Variants in LARGE1 observed in about 807,000 individuals in gnomAD.
LARGE1 encodes LARGE xylosyl- and glucuronyltransferase 1, also known as xylosyl- and glucuronyltransferase LARGE1.
A neutral mutation model predicts 87.6 loss-of-function variants in LARGE1; 43 were observed. The observed-to-expected ratio is 0.49, with a 90% CI of 0.38 to 0.63. The LOEUF (loss-of-function observed/expected upper bound fraction) is 0.63, where lower values mean the gene tolerates loss of function less well. Among genes scored for constraint, LARGE1 ranks in the 30% least tolerant of loss-of-function variants. The probability of loss-of-function intolerance (pLI) is 0.00; values close to 1 mark genes in which losing one functional copy is unlikely to be tolerated. For missense variants in LARGE1, 802 were observed against 1,000.2 expected (o/e 0.80, Z 2.67); for synonymous variants, 434 against 394.6 (o/e 1.10, Z -1.18).
chr22:33,478,852 A>C (rs777234094), intron 6 of LARGE1, among the ~76,000 whole-genome samples: 1 of 152,200 alleles, frequency 6.6e-6, no homozygotes, highest in Non-Finnish European at 1.5e-5. Flanking sequence ...GTGAGAGGGC[A>C]TCGCTAACTA....
chr22:33,171,678 G>A (rs752477856), intron 11 of LARGE1, among the ~76,000 whole-genome samples: 6 of 152,210 alleles, frequency 3.9e-5, no homozygotes, highest in Admixed American at 1.3e-4. Context: ...CTGAGAGTGC[G>A]CAGAAGATAA....
chr22:33,784,582 C>T (rs2085536171), intron 1 of LARGE1, among the ~76,000 whole-genome samples: 1 of 152,070 alleles, frequency 6.6e-6, no homozygotes, highest in Non-Finnish European at 1.5e-5. Flanking sequence ...AGTTTAGGTG[C>T]TCCGGTGCAA....
intron 2 of LARGE1, chr22:33,733,750 T>C (rs141245661): frequency 5.3e-5 from 8 of 152,306 alleles, no homozygotes; most frequent in East Asian, 1.9e-4. Context: ...TTTAGGGAGA[T>C]AGACAAACAG....
intron 1 of LARGE1, among the ~76,000 whole-genome samples, chr22:33,811,572 G>A (rs771691065): frequency 6.6e-6 from 1 of 152,168 alleles, no homozygotes. Context: ...CCAAATATTC[G>A]CAACGTGGAA....
chr22:33,824,192 T>C (rs541196173), intron 1 of LARGE1, among the ~76,000 whole-genome samples: 4 of 152,316 alleles, frequency 2.6e-5, no homozygotes, highest in African/African-American at 7.2e-5. Context: ...TGATTTACTA[T>C]ATTAGTCCAG....
chr22:33,277,268 G>A lies in LARGE1; in HGVS notation c.1878-13C>T, dbSNP rs549212468. On this transcript the variant is annotated splice_polypyrimidine_tract_variant and intron_variant, in intron 13 of 14. Transcript: ENST00000397394. ...CCAGACGTGGTACCTGAGACACACG[G>A]AGAAAAGCCATTGGGTGTAGGGAAG... The A allele has an allele frequency of 1.9e-6, 3 of 1,613,636 alleles. No homozygotes were observed. In the African/African-American group the frequency reaches 4.0e-5, roughly 22 times the overall value.
intron 9 of LARGE1, among the ~76,000 whole-genome samples, chr22:33,370,503 A>G (rs575476387): frequency 1.4e-4 from 22 of 152,342 alleles, no homozygotes; most frequent in Non-Finnish European, 2.6e-4. Context: ...TTAGCATTTA[A>G]GTTTAGCTAT....
At chr22:33,415,178 A>C (rs983784612) in intron 7 of LARGE1, among the ~76,000 whole-genome samples, 2 of 152,212 alleles carry the variant, frequency 1.3e-5, no homozygotes, top group African/African-American at 4.8e-5. Context: ...TCCAGTTCAC[A>C]GACAACTGCA....
At chr22:33,229,563 G>A (rs1161796240) in intron 11 of LARGE1, among the ~76,000 whole-genome samples, 1 of 152,076 alleles carries the variant, frequency 6.6e-6, no homozygotes, top group African/African-American at 2.4e-5. Flanking sequence ...CAGTAAACTG[G>A]AAGATAAACA....
chr22:33,458,289 G>C (rs375174388), intron 6 of LARGE1, among the ~76,000 whole-genome samples: 1 of 151,672 alleles, frequency 6.6e-6, no homozygotes, highest in Non-Finnish European at 1.5e-5. Context: ...TATTTTTAGT[G>C]GAGACGGGGT....
chr22:33,776,100 C>T lies in LARGE1; in HGVS notation c.-82-14542G>A, dbSNP rs143352782. Among the ~76,000 whole-genome samples the T allele has an allele frequency of 1.1e-3, 171 of 152,302 alleles. 2 individuals are homozygous for T. The East Asian group carries it at 0.026, about 23-fold the overall frequency. On this transcript the variant is annotated intron_variant, in intron 1 of 14. Transcript: ENST00000397394. ...ACCAAGCACATGCACAAAAGATGAC[C>T]TGCAAATTCACTGTGGTCATCTTTA... is the stretch of plus-strand genomic sequence containing the variant.
At chr22:33,543,915 G>C (rs1042932819) in intron 6 of LARGE1, among the ~76,000 whole-genome samples, 28 of 152,208 alleles carry the variant, frequency 1.8e-4, no homozygotes, top group African/African-American at 6.5e-4. Flanking sequence ...TATTCTCTAA[G>C]AGCTCACTGT....
chr22:33,764,299 G>A (rs762094423), intron 1 of LARGE1, among the ~76,000 whole-genome samples: 4 of 152,010 alleles, frequency 2.6e-5, no homozygotes, highest in African/African-American at 4.8e-5. Flanking sequence ...CAGAGTTACC[G>A]TTCTCCCTAG....
At chr22:33,334,417 A>C (rs1241310306) in intron 10 of LARGE1, among the ~76,000 whole-genome samples, 4 of 135,980 alleles carry the variant, frequency 2.9e-5, no homozygotes, top group Non-Finnish European at 6.2e-5. Flanking sequence ...CTCAAAAAAA[A>C]AAAAACAAAA....
intron 6 of LARGE1, among the ~76,000 whole-genome samples, chr22:33,509,730 G>C (rs1020551766): frequency 6.6e-6 from 1 of 152,186 alleles, no homozygotes; most frequent in Non-Finnish European, 1.5e-5. Context: ...GGGATTACAA[G>C]TGTGTGCCAT....
intron 11 of LARGE1, among the ~76,000 whole-genome samples, chr22:33,228,570 A>G (rs1040409255): frequency 6.6e-6 from 1 of 152,276 alleles, no homozygotes; most frequent in African/African-American, 2.4e-5. Context: ...GGACTTCCTT[A>G]GTACCATAAA....
At chr22:33,829,819 AG>A (rs1271480932) in intron 1 of LARGE1, among the ~76,000 whole-genome samples, 1 of 152,192 alleles carries the variant, frequency 6.6e-6, no homozygotes, top group Non-Finnish European at 1.5e-5. Context: ...ACAGTGATCC[AG>A]GGGGACAGGT....
chr22:33,529,708 G>T (rs2072100622), intron 6 of LARGE1, among the ~76,000 whole-genome samples: 1 of 152,210 alleles, frequency 6.6e-6, no homozygotes, highest in African/African-American at 2.4e-5. Flanking sequence ...TGAGAAGGCT[G>T]CATGTTCTAA....
downstream of LARGE1, among the ~76,000 whole-genome samples, chr22:33,159,935 T>A (rs1357357077): frequency 1.4e-5 from 2 of 144,098 alleles, no homozygotes; most frequent in South Asian, 2.2e-4. Flanking sequence ...CTATTAGTGG[T>A]AAAAAAAAAA....
Sources: allele counts gnomAD v4.1 joint callset (sites outside exome capture counted in the v4.1 genomes callset), GRCh38; gene constraint gnomAD v4.1.1; transcripts MANE v1.5; gene names NCBI Gene and HGNC (gene_info 2026-07-23, HGNC 2026-07-21).